The following FRMD3 variants were observed in gnomAD, a reference collection of about 807,000 sequenced individuals.
FRMD3 encodes the protein FERM domain-containing protein 3.
A neutral mutation model predicts 70.2 loss-of-function variants in FRMD3; 33 were observed. That is an observed-to-expected ratio of 0.47 (90% CI 0.36 to 0.63). FRMD3 has a LOEUF of 0.63. FRMD3 is among the 20% of genes least tolerant of loss of function. The probability of loss-of-function intolerance (pLI) is 0.00; values close to 1 mark genes in which losing one functional copy is unlikely to be tolerated. For missense variants in FRMD3, 632 were observed against 711.4 expected (o/e 0.89, Z 1.27); for synonymous variants, 279 against 255.9 (o/e 1.09, Z -0.86).
chr9:83,393,265 A>C (rs1030717932), intron 1 of FRMD3, among the ~76,000 whole-genome samples: 1 of 152,226 alleles, frequency 6.6e-6, no homozygotes, highest in African/African-American at 2.4e-5. Flanking sequence ...GTACTAAAAT[A>C]ATGTGAAGAC....
chr9:83,504,056 T>A (rs1829130516), intron 1 of FRMD3, among the ~76,000 whole-genome samples: 1 of 152,074 alleles, frequency 6.6e-6, no homozygotes, highest in Admixed American at 6.5e-5. Context: ...GTGCACTGAG[T>A]GCTGCTGAAG....
At chr9:83,408,787 G>A (rs1301654403) in intron 1 of FRMD3, among the ~76,000 whole-genome samples, 1 of 152,162 alleles carries the variant, frequency 6.6e-6, no homozygotes, top group Non-Finnish European at 1.5e-5. Flanking sequence ...GAGTTAAGCT[G>A]CTACCACAGG....
At chr9:83,488,994 G>GCA (rs1828751314) in intron 1 of FRMD3, among the ~76,000 whole-genome samples, 1 of 131,100 alleles carries the variant, frequency 7.6e-6, no homozygotes, top group African/African-American at 2.8e-5. Flanking sequence ...GTGTGTGTGT[G>GCA]TGTGTGTGTG....
intron 12 of FRMD3, chr9:83,297,436 G>C: frequency 4.8e-6 from 1 of 206,636 alleles, no homozygotes. Context: ...CAGGACCTTG[G>C]ATAAATGACT....
chr9:83,478,084 A>C (rs1315569635), intron 1 of FRMD3, among the ~76,000 whole-genome samples: 1 of 152,166 alleles, frequency 6.6e-6, no homozygotes, highest in Non-Finnish European at 1.5e-5. Context: ...CTCACCCCAA[A>C]AACTACATCA....
chr9:83,274,013 A>G (rs1308228720), intron 13 of FRMD3, among the ~76,000 whole-genome samples: 1 of 152,092 alleles, frequency 6.6e-6, no homozygotes, highest in Non-Finnish European at 1.5e-5. Context: ...TAGAGACGGC[A>G]TCTCACTAGG....
At chr9:83,283,879 T>C (rs1198013437) in intron 13 of FRMD3, among the ~76,000 whole-genome samples, 2 of 152,178 alleles carry the variant, frequency 1.3e-5, no homozygotes, top group African/African-American at 4.8e-5. Context: ...AATTCATTGT[T>C]TGATCTCCAG....
chr9:83,382,428 A>T (rs574477648), intron 2 of FRMD3, among the ~76,000 whole-genome samples: 8 of 152,294 alleles, frequency 5.3e-5, no homozygotes, highest in Admixed American at 6.5e-5. Flanking sequence ...TAATTCATTT[A>T]AAAAAATTAT....
At chr9:83,535,431 AT>A (rs1338384219) in intron 1 of FRMD3, among the ~76,000 whole-genome samples, 2 of 151,932 alleles carry the variant, frequency 1.3e-5, no homozygotes, top group Admixed American at 6.6e-5. Flanking sequence ...TCCCCTACTT[AT>A]TTTGGGGCTC....
intron 13 of FRMD3, among the ~76,000 whole-genome samples, chr9:83,251,873 G>A (rs889766158): frequency 6.6e-6 from 1 of 152,072 alleles, no homozygotes; most frequent in African/African-American, 2.4e-5. Flanking sequence ...ATTATGTGAA[G>A]AGCCTGAACC....
At chr9:83,441,448 T>C (rs932838711) in intron 1 of FRMD3, among the ~76,000 whole-genome samples, 9 of 152,056 alleles carry the variant, frequency 5.9e-5, no homozygotes, top group Admixed American at 3.9e-4. Flanking sequence ...GATGCCTCCA[T>C]GAATTAAGGA....
chr9:83,352,939 G>A (rs932033790), intron 3 of FRMD3, among the ~76,000 whole-genome samples: 1 of 152,160 alleles, frequency 6.6e-6, no homozygotes, highest in Non-Finnish European at 1.5e-5. Flanking sequence ...CATTTGCTGG[G>A]ATATGATCAC....
rs184205807 is a variant in FRMD3 at position 83,384,882 on chromosome 9, A to G, written c.252+4722T>C. Among the ~76,000 whole-genome samples the G allele has an allele frequency of 4.6e-5, 7 of 152,054 alleles. No homozygotes were observed. In the East Asian group the frequency reaches 1.4e-3, roughly 29 times the overall value. ...GTTAAAACCAAAAGCATTTAGTACT[A>G]CCTCCCTCCAGACCATAAAGCAGCA... On this transcript the variant is annotated intron_variant, in intron 2 of 13. Coordinates refer to ENST00000304195, the MANE Select transcript of FRMD3 (RefSeq NM_174938.6).
At chr9:83,256,332 A>C (rs986964521) in intron 13 of FRMD3, among the ~76,000 whole-genome samples, 3 of 152,192 alleles carry the variant, frequency 2.0e-5, no homozygotes, top group Non-Finnish European at 4.4e-5. Context: ...AGAAAATTGG[A>C]ATGGACCCCT....
At position 83,379,842 on chromosome 9, in the gene FRMD3, G is replaced by A. The variant is rs116560378; in HGVS notation, c.253-6887C>T. On this transcript the variant is annotated intron_variant, in intron 2 of 13. Transcript: ENST00000304195. ...ACCTCTGCTCCCTCACCCCTTGGAT[G>A]GCACAACTCTAAGGCATGGCCTACA... Among the ~76,000 whole-genome samples, 875 of 152,186 alleles carry A rather than the reference G, an allele frequency of 5.7e-3. 11 individuals carry two copies. The highest frequency in any genetic ancestry group is 0.02 in the African/African-American group (832 of 41,514).
chr9:83,403,561 C>G (rs140609234), intron 1 of FRMD3, among the ~76,000 whole-genome samples: 1 of 152,076 alleles, frequency 6.6e-6, no homozygotes, highest in African/African-American at 2.4e-5. Context: ...CACGAGAAGA[C>G]GGAGTTAGCT....
rs115546997 is a variant in FRMD3 at position 83,266,627 on chromosome 9, C to T, written c.1196-18111G>A. ...GCAAGCAAGCAGATCTGAGCTCTGA[C>T]CCTTTCAACAATGAAAGGAGGGGGA... On this transcript the variant is annotated intron_variant, in intron 13 of 13. Coordinates refer to ENST00000304195, the MANE Select transcript of FRMD3 (RefSeq NM_174938.6). Among the ~76,000 whole-genome samples the T allele has an allele frequency of 1.9e-3, 283 of 152,256 alleles. 1 individual carries two copies. The highest frequency in any genetic ancestry group is 6.7e-3 in the African/African-American group (278 of 41,558).
At chr9:83,551,679 A>T in the FRMD3 span, among the ~76,000 whole-genome samples, 1 of 152,120 alleles carries the variant, frequency 6.6e-6, no homozygotes, top group Non-Finnish European at 1.5e-5. Flanking sequence ...TCAGGGAATC[A>T]ATTTCTTCCT....
chr9:83,511,848 A>G (rs1252538957), intron 1 of FRMD3, among the ~76,000 whole-genome samples: 1 of 152,210 alleles, frequency 6.6e-6, no homozygotes, highest in African/African-American at 2.4e-5. Flanking sequence ...AATCCTGAGG[A>G]GCAGGTGGTG....
Sources: gnomAD v4.1 joint callset for allele counts (sites outside exome capture counted in the v4.1 genomes callset) on GRCh38, gnomAD v4.1.1 for gene constraint, MANE v1.5 for transcripts, NCBI Gene and HGNC (gene_info 2026-07-23, HGNC 2026-07-21) for gene names.